Variants in RIN3 observed in about 807,000 individuals in gnomAD.
The protein encoded by RIN3 is Ras and Rab interactor 3, also known as RAB5 interacting protein 3.
Under a neutral mutation model 76.3 loss-of-function variants are expected in RIN3, and 54 were observed. That is an observed-to-expected ratio of 0.71 (90% CI 0.57 to 0.89). The LOEUF (loss-of-function observed/expected upper bound fraction) is 0.89, where lower values mean the gene tolerates loss of function less well. RIN3 is among the 40% of genes least tolerant of loss of function. The probability of loss-of-function intolerance (pLI) is 0.00; values close to 1 mark genes in which losing one functional copy is unlikely to be tolerated. For missense variants in RIN3, 1,256 were observed against 1,322.1 expected (o/e 0.95, Z 0.78); for synonymous variants, 576 against 564.0 (o/e 1.02, Z -0.30).
At chr14:92,611,400 C>A (rs1025213141) in intron 3 of RIN3, among the ~76,000 whole-genome samples, 3 of 152,192 alleles carry the variant, frequency 2.0e-5, no homozygotes, top group African/African-American at 7.2e-5. Flanking sequence ...CTCAGCCCCC[C>A]GAGGCACCTG....
intron 1 of RIN3, chr14:92,515,231 T>A: frequency 1.4e-6 from 1 of 700,248 alleles, no homozygotes; most frequent in Non-Finnish European, 2.6e-6. Context: ...TACCATCCGG[T>A]GGGAAGAACT....
chr14:92,590,418 T>A (rs1055203182), intron 3 of RIN3, among the ~76,000 whole-genome samples: 3 of 151,956 alleles, frequency 2.0e-5, no homozygotes, highest in African/African-American at 7.3e-5. Context: ...CAGTAATGAG[T>A]TCTGGTGAGA....
intron 1 of RIN3, among the ~76,000 whole-genome samples, chr14:92,522,442 C>T (rs574218630): frequency 1.1e-4 from 16 of 152,286 alleles, no homozygotes; most frequent in African/African-American, 3.6e-4. Context: ...TTTTATCACC[C>T]GGTGCAAGTA....
intron 1 of RIN3, among the ~76,000 whole-genome samples, chr14:92,546,841 C>A (rs1897277518): frequency 6.6e-6 from 1 of 151,934 alleles, no homozygotes; most frequent in African/African-American, 2.4e-5. Context: ...GTCCCCAAAG[C>A]AACAGGTGTC....
intron 3 of RIN3, among the ~76,000 whole-genome samples, chr14:92,585,791 G>T (rs1884751922): frequency 6.6e-6 from 1 of 152,092 alleles, no homozygotes; most frequent in African/African-American, 2.4e-5. Flanking sequence ...GCTAATTTTT[G>T]TATTTTCTGT....
Position 92,652,123 on chromosome 14 carries a change from G to C in RIN3, c.1074G>C (p.Ala358=), listed in dbSNP as rs748276702. Residue 358 remains alanine, a synonymous_variant, in exon 6 of 10, where the codon GCG becomes GCC. Transcript: ENST00000216487. This position sits in a 1 kb window ranked among gnomAD's most constrained non-coding sequence, Gnocchi z 6.4. ...GCCTGGGCCCCCTCAGGGAGGAAGCGATGAAGCCAGGGGCAGCCTCCAGTC... is the reference window on the plus strand; with the variant it reads ...GCCTGGGCCCCCTCAGGGAGGAAGCCATGAAGCCAGGGGCAGCCTCCAGTC... ...TAGLGPLREE[A]MKPGAASSPL... The C allele has an allele frequency of 1.2e-6, 2 of 1,608,394 alleles. No homozygotes were observed. The highest frequency in any genetic ancestry group is 1.1e-5 in the South Asian group (1 of 90,990).
At chr14:92,634,231 T>G (rs1026898419) in intron 4 of RIN3, among the ~76,000 whole-genome samples, 5 of 151,976 alleles carry the variant, frequency 3.3e-5, no homozygotes, top group Non-Finnish European at 5.9e-5. Context: ...CCTGCCACCA[T>G]GCCCTGCTAA....
chr14:92,654,845 C>T (rs964938230), intron 6 of RIN3, among the ~76,000 whole-genome samples: 2 of 152,134 alleles, frequency 1.3e-5, no homozygotes, highest in African/African-American at 2.4e-5. Context: ...GGGGAGCTTA[C>T]GGTCTATCAG....
At chr14:92,672,885 T>A (rs1268528522) in intron 7 of RIN3, among the ~76,000 whole-genome samples, 1 of 152,200 alleles carries the variant, frequency 6.6e-6, no homozygotes, top group African/African-American at 2.4e-5. Context: ...GTTTGCTTAT[T>A]CTGGACGTTG....
chr14:92,557,908 G>C (rs1897642465), intron 2 of RIN3, among the ~76,000 whole-genome samples: 1 of 152,192 alleles, frequency 6.6e-6, no homozygotes, highest in African/African-American at 2.4e-5. Flanking sequence ...GATTTTTCTT[G>C]GTCATCAAGA....
intron 1 of RIN3, among the ~76,000 whole-genome samples, chr14:92,548,148 G>T (rs1014196146): frequency 1.3e-5 from 2 of 152,134 alleles, no homozygotes; most frequent in Non-Finnish European, 2.9e-5. Context: ...CTATGTCACT[G>T]TGTGTGTTTG....
chr14:92,581,631 C>T (rs1422751355), intron 3 of RIN3, among the ~76,000 whole-genome samples: 4 of 152,268 alleles, frequency 2.6e-5, no homozygotes, highest in African/African-American at 9.6e-5. Flanking sequence ...CCTCCAGGGT[C>T]ACCACTCTGC....
chr14:92,548,375 G>T (rs1471452249), intron 1 of RIN3, among the ~76,000 whole-genome samples: 1 of 152,094 alleles, frequency 6.6e-6, no homozygotes, highest in Non-Finnish European at 1.5e-5. Context: ...GTGCCTCTGT[G>T]TCTTCACCTT....
Position 92,651,965 on chromosome 14 carries a change from G to T in RIN3, c.916G>T (p.Ala306Ser). ...QPPVLPALAP[A>S]PACPLPTSPP... ...CCCTGTGCTCCCTGCTCTTGCCCCC[G>T]CCCCTGCCTGTCCTTTGCCCACCTC... Residue 306 changes from alanine to serine, a missense_variant, in exon 6 of 10, where the codon GCC (alanine) becomes TCC (serine). By Grantham distance (99) the Ala-to-Ser change is moderately conservative (BLOSUM62 1). This residue lies in a region of RIN3 where 610 missense variants were observed against 626.4 expected (regional missense o/e 0.97). Coordinates refer to ENST00000216487, the MANE Select transcript of RIN3 (RefSeq NM_024832.5). 1 of 1,034,966 alleles carries T rather than the reference G, an allele frequency of 9.7e-7. No individual in the cohort carries two copies. The allele number at this position is 1,034,966 out of a possible 1,614,324, so 64.1% of individuals were successfully genotyped here. A position where few individuals can be genotyped will look rare whatever the true frequency, so the allele number is the denominator to read the frequency against.
intron 1 of RIN3, among the ~76,000 whole-genome samples, chr14:92,532,541 G>C (rs75581688): frequency 6.6e-6 from 1 of 152,194 alleles, no homozygotes; most frequent in Non-Finnish European, 1.5e-5. Flanking sequence ...TCTGGGGGAA[G>C]TTATTTACCA....
chr14:92,569,476 G>C (rs1380985430), intron 2 of RIN3, among the ~76,000 whole-genome samples: 4 of 152,092 alleles, frequency 2.6e-5, no homozygotes, highest in Non-Finnish European at 5.9e-5. Flanking sequence ...AATCACCCAG[G>C]GTCCCAGGGC....
intron 4 of RIN3, among the ~76,000 whole-genome samples, chr14:92,633,082 A>G (rs1254952090): frequency 2.0e-5 from 3 of 152,280 alleles, no homozygotes; most frequent in East Asian, 1.9e-4. Context: ...TCCTGGCCCT[A>G]TGCGGAGGTG....
rs779497612 is a variant in RIN3 at position 92,659,340 on chromosome 14, G to A, written c.2206G>A (p.Val736Met). 52 of 1,612,334 alleles carry A rather than the reference G, an allele frequency of 3.2e-5. No homozygotes were observed. The highest frequency in any genetic ancestry group is 4.3e-5 in the Non-Finnish European group (51 of 1,179,102). ...DLGVTTSVPE[V>M]PMMEKILQKF... ...AGGTGTGACCACCAGCGTGCCGGAG[G>A]TGCCCATGATGGAGAAGATCCTGCA... The change falls in exon 7 of 10, where the codon GTG becomes ATG. Residue 736 changes from valine to methionine, a missense_variant. Coordinates refer to ENST00000216487, the MANE Select transcript of RIN3 (RefSeq NM_024832.5).
chr14:92,547,118 TTTA>T (rs201839067), intron 1 of RIN3, among the ~76,000 whole-genome samples: 14,565 of 88,554 alleles, frequency 0.16, 4,512 homozygotes, highest in Admixed American at 0.21. Context: ...TTATCTTTAT[TTTA>T]TTATTATTAT....
Sources: gnomAD v4.1 joint callset for allele counts (sites outside exome capture counted in the v4.1 genomes callset) on GRCh38, gnomAD v4.1.1 for gene constraint, gnomAD v4.1.1 regional missense constraint, Gnocchi (gnomAD v3.1) non-coding constraint, MANE v1.5 for transcripts, NCBI Gene and HGNC (gene_info 2026-07-23, HGNC 2026-07-21) for gene names.